EPHA3: variants seen among roughly 807,000 people sequenced by gnomAD.
EPHA3 encodes the protein EPH receptor A3, also known as ephrin type-A receptor 3.
Under a neutral mutation model 107.1 loss-of-function variants are expected in EPHA3, and 42 were observed. The ratio of observed to expected loss-of-function variants is 0.39; its 90% confidence interval spans 0.31 to 0.51. EPHA3 has a LOEUF of 0.51. Ranked by LOEUF, EPHA3 falls within the 20% of genes least tolerant of loss-of-function variation. The probability of loss-of-function intolerance (pLI) is 0.78; values close to 1 mark genes in which losing one functional copy is unlikely to be tolerated. For synonymous variants in EPHA3, 461 were observed against 424.8 expected, an observed-to-expected ratio of 1.09 and a Z score of -1.05; for missense variants, 1,183 against 1,211.2, an observed-to-expected ratio of 0.98 and a Z score of 0.35.
intron 9 of EPHA3, among the ~76,000 whole-genome samples, chr3:89,409,393 G>A (rs1709114887): frequency 6.6e-6 from 1 of 151,884 alleles, no homozygotes; most frequent in African/African-American, 2.4e-5. Flanking sequence ...CCCTCAATTT[G>A]ACTTGGACAA....
chr3:89,344,002 C>T (rs1417275173), intron 5 of EPHA3, among the ~76,000 whole-genome samples: 1 of 152,152 alleles, frequency 6.6e-6, no homozygotes, highest in Non-Finnish European at 1.5e-5. Flanking sequence ...TTCTCATCTT[C>T]AGCTAACACA....
chr3:89,359,830 TATAC>T (rs909107234), intron 5 of EPHA3, among the ~76,000 whole-genome samples: 6 of 95,458 alleles, frequency 6.3e-5, no homozygotes, highest in Admixed American at 4.2e-4. Context: ...TACATATATA[TATAC>T]ATATATATAT....
At chr3:89,357,932 G>A (rs1708002223) in intron 5 of EPHA3, among the ~76,000 whole-genome samples, 2 of 151,178 alleles carry the variant, frequency 1.3e-5, no homozygotes, top group African/African-American at 4.8e-5. Flanking sequence ...TATTATTGCA[G>A]ATATAAGATA....
At chr3:89,409,921 T>C (rs139366684) in intron 9 of EPHA3, among the ~76,000 whole-genome samples, 2 of 152,200 alleles carry the variant, frequency 1.3e-5, no homozygotes, top group Admixed American at 1.3e-4. Flanking sequence ...ATGTAAATTA[T>C]TGTGTTTGCA....
chr3:89,468,388 G>A (rs1243852816), intron 15 of EPHA3, among the ~76,000 whole-genome samples: 1 of 152,060 alleles, frequency 6.6e-6, no homozygotes, highest in Non-Finnish European at 1.5e-5. Flanking sequence ...CTCTTGTTGA[G>A]TCTGGCTAAA....
chr3:89,320,653 C>T (rs972475662), intron 3 of EPHA3, among the ~76,000 whole-genome samples: 2 of 151,768 alleles, frequency 1.3e-5, no homozygotes, highest in Admixed American at 1.3e-4. Flanking sequence ...TTTGTTTACA[C>T]TTAATTATAT....
chr3:89,403,189 T>C (rs1708998286), intron 7 of EPHA3, among the ~76,000 whole-genome samples: 1 of 152,190 alleles, frequency 6.6e-6, no homozygotes, highest in Admixed American at 6.5e-5. Flanking sequence ...ATTATCATCT[T>C]CATTTTACAG....
chr3:89,460,233 G>T (rs1374755098), intron 15 of EPHA3, among the ~76,000 whole-genome samples: 2 of 152,034 alleles, frequency 1.3e-5, no homozygotes, highest in African/African-American at 4.8e-5. Flanking sequence ...ATTTCCACTA[G>T]CCAGGTATTG....
intron 11 of EPHA3, among the ~76,000 whole-genome samples, chr3:89,424,502 A>G (rs1201639315): frequency 6.6e-6 from 1 of 151,260 alleles, no homozygotes; most frequent in Non-Finnish European, 1.5e-5. Context: ...ATTTCAATTC[A>G]ATATTGTACA....
At chr3:89,126,937 T>C (rs962393572) in intron 1 of EPHA3, among the ~76,000 whole-genome samples, 1 of 151,818 alleles carries the variant, frequency 6.6e-6, no homozygotes, top group Admixed American at 6.6e-5. Flanking sequence ...AACCCATAAT[T>C]ATTATGCCAG....
At chr3:89,281,105 C>A (rs1705936821) in intron 3 of EPHA3, among the ~76,000 whole-genome samples, 1 of 151,906 alleles carries the variant, frequency 6.6e-6, no homozygotes, top group African/African-American at 2.4e-5. Context: ...ATCAGTGCAA[C>A]CTCTGCCTCC....
chr3:89,389,799 C>T (rs1243161553), intron 5 of EPHA3, among the ~76,000 whole-genome samples: 1 of 152,202 alleles, frequency 6.6e-6, no homozygotes, highest in African/African-American at 2.4e-5. Flanking sequence ...AACCAGATCC[C>T]TTCACAAGGA....
At chr3:89,275,231 T>C (rs1297956355) in intron 3 of EPHA3, among the ~76,000 whole-genome samples, 2 of 152,026 alleles carry the variant, frequency 1.3e-5, no homozygotes, top group East Asian at 3.9e-4. Context: ...ATGTCAATTC[T>C]ACACACTCCT....
intron 5 of EPHA3, among the ~76,000 whole-genome samples, chr3:89,350,682 G>C (rs1391355928): frequency 3.3e-5 from 5 of 151,062 alleles, no homozygotes; most frequent in African/African-American, 1.2e-4. Flanking sequence ...CTTTGGAGGA[G>C]GAGAGGCGCT....
intron 2 of EPHA3, among the ~76,000 whole-genome samples, chr3:89,151,606 T>A (rs1251995456): frequency 6.6e-6 from 1 of 152,098 alleles, no homozygotes; most frequent in African/African-American, 2.4e-5. Flanking sequence ...ATTTCAGTAC[T>A]GTTTATACAA....
intron 2 of EPHA3, among the ~76,000 whole-genome samples, chr3:89,130,987 G>A (rs1239970190): frequency 6.6e-6 from 1 of 152,112 alleles, no homozygotes; most frequent in East Asian, 1.9e-4. Context: ...ACCTTGTAGG[G>A]AGATATGATA....
chr3:89,209,384 C>T (rs958070170), intron 2 of EPHA3, among the ~76,000 whole-genome samples: 2 of 151,874 alleles, frequency 1.3e-5, no homozygotes, highest in African/African-American at 4.8e-5. Flanking sequence ...CATGATGATA[C>T]ATAGTAAAAA....
intron 3 of EPHA3, among the ~76,000 whole-genome samples, chr3:89,324,316 T>C (rs1707115437): frequency 6.6e-6 from 1 of 151,726 alleles, no homozygotes; most frequent in South Asian, 2.1e-4. Context: ...TACAGATGTG[T>C]GCAAACATGC....
chr3:89,162,172 C>T (rs1704962515), intron 2 of EPHA3, among the ~76,000 whole-genome samples: 1 of 151,830 alleles, frequency 6.6e-6, no homozygotes, highest in South Asian at 2.1e-4. Flanking sequence ...AGGGGTATTA[C>T]TTAAAATTAA....
Sources: gnomAD v4.1 joint callset for allele counts (sites outside exome capture counted in the v4.1 genomes callset) on GRCh38, gnomAD v4.1.1 for gene constraint, MANE v1.5 for transcripts, NCBI Gene and HGNC (gene_info 2026-07-23, HGNC 2026-07-21) for gene names.